The following P4HA2 variants were observed in gnomAD, a reference collection of about 807,000 sequenced individuals.
The protein encoded by P4HA2 is prolyl 4-hydroxylase subunit alpha 2.
In P4HA2, 46 loss-of-function variants were observed where a neutral mutation model predicts 76.9. The ratio of observed to expected loss-of-function variants is 0.60; its 90% CI spans 0.47 to 0.76. The LOEUF (loss-of-function observed/expected upper bound fraction) is 0.76, where lower values mean the gene tolerates loss of function less well. P4HA2 is among the 30% of genes least tolerant of loss of function. The probability of loss-of-function intolerance (pLI) is 0.00; values close to 1 mark genes in which losing one functional copy is unlikely to be tolerated. For synonymous variants in P4HA2, 243 were observed against 254.0 expected, an observed-to-expected ratio of 0.96 and a Z score of 0.41; for missense variants, 583 against 669.4, an observed-to-expected ratio of 0.87 and a Z score of 1.42.
At chr5:132,213,775 G>T (rs1193368856) in intron 5 of P4HA2, 141 bp downstream of exon 5, 8 of 732,120 alleles carry the variant, frequency 1.1e-5, no homozygotes, top group African/African-American at 3.5e-5. Flanking sequence ...ATGGGAGAGG[G>T]AGTCCAGCAC....
chr5:132,198,832 T>C, intron 11 of P4HA2, 47 bp downstream of exon 11: 1 of 1,363,498 alleles, frequency 7.3e-7, no homozygotes, highest in Non-Finnish European at 1.1e-6. Context: ...CCTTCTCAAA[T>C]CAGCTAGAGC....
chr5:132,212,806 T>G (rs1332934029), intron 5 of P4HA2, among the ~76,000 whole-genome samples: 3 of 152,168 alleles, frequency 2.0e-5, no homozygotes, highest in Non-Finnish European at 2.9e-5. Flanking sequence ...ACTCATGGGT[T>G]TGCTGAGTGA....
chr5:132,195,519 A>C, intron 12 of P4HA2, 39 bp from the exon 13 acceptor site: 1 of 1,478,530 alleles, frequency 6.8e-7, no homozygotes, highest in Middle Eastern at 1.7e-4. Context: ...CTCCTACCCA[A>C]GGCTCTCAGA....
At position 132,217,391 on chromosome 5, in the gene P4HA2, ATAGGTCTTGACCTGTGACAATT is replaced by A. The variant is rs771461965; in HGVS notation, c.180-65_180-44del. ...AAGGAAGACTAATGCGTCCACCCAC[ATAGGTCTTGACCTGTGACAATT>A]TTCCTAGTGAGAATTCCCTGGTGCC... On this transcript the variant is annotated intron_variant, in intron 3 of 14. Coordinates refer to ENST00000360568, the MANE Select transcript of P4HA2 (RefSeq NM_001017974.2). 8.3e-4 allele frequency: 1,331 copies of A among 1,603,772 alleles called. 2 individuals are homozygous for A. Among genetic ancestry groups the A allele is most frequent in the Middle Eastern group, 2.6e-3 (16 of 6,038 alleles).
chr5:132,205,734 G>A (rs1313854584), intron 8 of P4HA2, among the ~76,000 whole-genome samples: 1 of 152,126 alleles, frequency 6.6e-6, no homozygotes, highest in African/African-American at 2.4e-5. Context: ...AGGACAGACG[G>A]CTCCCAAGCT....
rs988171343 is a variant in P4HA2 at position 132,213,818 on chromosome 5, C to T, written c.469+98G>A. 8.9e-6 allele frequency: 10 copies of T among 1,128,576 alleles called. No homozygotes were observed. In the African/African-American group the frequency reaches 9.3e-5, roughly 10 times the overall value. The allele number at this position is 1,128,576 out of a possible 1,614,324, so 69.9% of individuals were successfully genotyped here. On this transcript the variant is annotated intron_variant, in intron 5 of 14. Transcript: ENST00000360568. Reference sequence around the variant, plus strand: ...TGAGCCAAGAGGTGCACCAGAGGTGCACCCGAGGTTAAAGGCCACAAGTTG... The same window carrying T: ...TGAGCCAAGAGGTGCACCAGAGGTGTACCCGAGGTTAAAGGCCACAAGTTG...
intron 5 of P4HA2, among the ~76,000 whole-genome samples, chr5:132,211,950 G>A (rs1295680679): frequency 6.6e-6 from 1 of 152,158 alleles, no homozygotes; most frequent in African/African-American, 2.4e-5. Flanking sequence ...TTATCAACAT[G>A]TCTCCCAGAT....
rs1424484596 is a variant in P4HA2 at position 132,198,312 on chromosome 5, A to AG, written c.1365+8dup. The AG allele has an allele frequency of 1.2e-6, 2 of 1,614,120 alleles. No individual in the cohort carries two copies. The highest frequency in any genetic ancestry group is 2.7e-5 in the African/African-American group (2 of 74,942). On this transcript the variant is annotated intron_variant, in intron 12 of 14. Coordinates refer to ENST00000360568, the MANE Select transcript of P4HA2 (RefSeq NM_001017974.2). ...AGAATGAACAGGTGGGCCTGGACCC[A>AG]GTACTTACGTAGTTAAGAAACGTCG... is the stretch of plus-strand genomic sequence containing the variant.
intron 12 of P4HA2, among the ~76,000 whole-genome samples, chr5:132,196,001 A>C (rs74497086): frequency 0.023 from 3,511 of 152,202 alleles, 145 homozygotes; most frequent in African/African-American, 0.08. Context: ...AGGGTGGGGC[A>C]CTGTGTCTCT....
chr5:132,218,482 C>A, intron 2 of P4HA2, 63 bp downstream of exon 2: 2 of 1,155,404 alleles, frequency 1.7e-6, no homozygotes, highest in Non-Finnish European at 2.6e-6. Context: ...CAGGCTGCAG[C>A]CAGAGACATC....
At chr5:132,221,187 C>A (rs940314644) in intron 1 of P4HA2, among the ~76,000 whole-genome samples, 8 of 152,234 alleles carry the variant, frequency 5.3e-5, no homozygotes, top group Non-Finnish European at 5.9e-5. Context: ...TGTGTACCTG[C>A]TGAGTGCCCC....
intron 5 of P4HA2, 132 bp from the exon 6 acceptor site, chr5:132,210,655 T>G: frequency 1.2e-6 from 1 of 869,524 alleles, no homozygotes; most frequent in Non-Finnish European, 1.9e-6. Flanking sequence ...ACATTTAGAC[T>G]GCATATCCTA....
intron 3 of P4HA2, 61 bp downstream of exon 3, chr5:132,217,691 T>C: frequency 9.4e-7 from 1 of 1,058,882 alleles, no homozygotes; most frequent in East Asian, 2.4e-5. Flanking sequence ...ATGGCTTCCT[T>C]GTTCCTTGAG....
chr5:132,226,568 C>CA (rs1755423194), intron 1 of P4HA2: 1 of 152,698 alleles, frequency 6.5e-6, no homozygotes, highest in Non-Finnish European at 1.5e-5. Flanking sequence ...CTCCCAGGTT[C>CA]AAGCGATTCT....
Position 132,203,960 on chromosome 5 carries a change from G to A in P4HA2, c.1152-113C>T, listed in dbSNP as rs371487693. On this transcript the variant is annotated intron_variant, in intron 9 of 14. Coordinates refer to ENST00000360568, the MANE Select transcript of P4HA2 (RefSeq NM_001017974.2). The stretch of plus-strand genomic sequence containing the variant: ...CATGAACAGGCAGTACAGGATGCCT[G>A]CTGCAAGGGGGTGAGGAGGTGCCAG... 62 of 1,142,222 alleles carry A rather than the reference G, an allele frequency of 5.4e-5. No individual in the cohort carries two copies. The South Asian group carries it at 5.9e-4, about 11-fold the overall frequency. The allele number at this position is 1,142,222 out of a possible 1,614,324, so 70.8% of individuals were successfully genotyped here. A position where few individuals can be genotyped will look rare whatever the true frequency, so the allele number is the denominator to read the frequency against.
In P4HA2 at chr5:132,217,323, T is replaced by G; in HGVS notation, c.205A>C (p.Thr69Pro). 1.9e-6 allele frequency: 3 copies of G among 1,614,180 alleles called. No individual in the cohort carries two copies. Among genetic ancestry groups the G allele is most frequent in the Non-Finnish European group, 2.5e-6 (3 of 1,180,020 alleles). Reference protein sequence around the residue: ...KSWANKMEALTSKSAADAEGY... With the variant: ...KSWANKMEALPSKSAADAEGY... ...TCAGCATCAGCAGCTGACTTGCTAG[T>G]CAAGGCTTCCATTTTGTTGGCCCAG... Residue 69 changes from threonine to proline, a missense_variant, in exon 4 of 15, where the codon ACT (threonine) becomes CCT (proline). Physicochemically the swap from Thr to Pro is conservative, Grantham distance 38 (BLOSUM62 -1). Coordinates refer to ENST00000360568, the MANE Select transcript of P4HA2 (RefSeq NM_001017974.2).
In P4HA2 at chr5:132,192,990, G is replaced by C; in HGVS notation, c.*20C>G. 1 of 1,543,358 alleles carries C rather than the reference G, an allele frequency of 6.5e-7. No individual in the cohort carries two copies. Among genetic ancestry groups the C allele is most frequent in the Non-Finnish European group, 9.0e-7 (1 of 1,115,416 alleles). On this transcript the variant is annotated 3_prime_UTR_variant, in exon 15 of 15. Transcript: ENST00000360568. ...TGACATGGGCTGAAGGACCAGGAAG[G>C]GGAAGGACAGAAAAGGATGTCAGTC... is the stretch of plus-strand genomic sequence containing the variant.
intron 1 of P4HA2, among the ~76,000 whole-genome samples, chr5:132,223,021 A>C (rs1217962506): frequency 6.6e-6 from 1 of 152,224 alleles, no homozygotes; most frequent in Non-Finnish European, 1.5e-5. Context: ...CCCACCTTGC[A>C]ACCTCTTGGT....
chr5:132,217,163 G>A, intron 4 of P4HA2, 34 bp downstream of exon 4: 1 of 1,603,598 alleles, frequency 6.2e-7, no homozygotes. Context: ...ACAAACATAT[G>A]GGCTCACTCA....
Sources: gnomAD v4.1 joint callset for allele counts (sites outside exome capture counted in the v4.1 genomes callset) on GRCh38, gnomAD v4.1.1 for gene constraint, MANE v1.5 for transcripts, NCBI Gene and HGNC (gene_info 2026-07-23, HGNC 2026-07-21) for gene names.